CACNA1I: variants seen among roughly 807,000 people sequenced by gnomAD.
CACNA1I encodes voltage-dependent T-type calcium channel subunit alpha-1I.
Under a neutral mutation model 201.6 loss-of-function variants are expected in CACNA1I, and 74 were observed. The ratio of observed to expected loss-of-function variants is 0.37; its 90% CI spans 0.30 to 0.45. The LOEUF (loss-of-function observed/expected upper bound fraction) is 0.45. Among genes scored for constraint, CACNA1I ranks in the 20% least tolerant of loss-of-function variants. The pLI is 1.00. For synonymous variants in CACNA1I, 1,431 were observed against 1,345.2 expected, an observed-to-expected ratio of 1.06 and a Z score of -1.40; for missense variants, 2,346 against 3,138.1, an observed-to-expected ratio of 0.75 and a Z score of 6.03.
chr22:39,662,145 C>T lies in CACNA1I; in HGVS notation c.3082C>T (p.Arg1028Trp). ...CEVAADEGPP[R>W]AAPLHTPHAH... ...GGTTGCCGCGGACGAGGGGCCGCCG[C>T]GGGCCGCACCCCTGCACACCCCACA... is the stretch of plus-strand genomic sequence containing the variant. The change falls in exon 17 of 37, where the codon CGG becomes TGG. Residue 1028 changes from arginine to tryptophan, a missense_variant. Around this residue, in one of 13 missense-constraint regions of CACNA1I, gnomAD observed 288 missense variants for 255.2 expected, o/e 1.13. Coordinates refer to ENST00000402142, the MANE Select transcript of CACNA1I (RefSeq NM_021096.4). 1 of 1,525,686 alleles carries T rather than the reference C, an allele frequency of 6.6e-7. No homozygotes were observed. Among genetic ancestry groups the T allele is most frequent in the Non-Finnish European group, 8.8e-7 (1 of 1,140,330 alleles). The allele number at this position is 1,525,686 out of a possible 1,614,324, so 94.5% of individuals were successfully genotyped here. A position where few individuals can be genotyped will look rare whatever the true frequency, so the allele number is the denominator to read the frequency against.
At chr22:39,638,806 G>T (rs1476258435) in intron 5 of CACNA1I, among the ~76,000 whole-genome samples, 1 of 152,204 alleles carries the variant, frequency 6.6e-6, no homozygotes, top group African/African-American at 2.4e-5. Context: ...CCAGAGCAAG[G>T]GGATGGTTTT....
At chr22:39,588,075 T>C (rs1025488920) in intron 1 of CACNA1I, among the ~76,000 whole-genome samples, 5 of 151,406 alleles carry the variant, frequency 3.3e-5, no homozygotes, top group African/African-American at 7.3e-5. Flanking sequence ...TGCTGGCTGA[T>C]TGTGGATTTT....
chr22:39,615,901 A>T (rs5757749), intron 3 of CACNA1I, among the ~76,000 whole-genome samples: 2 of 152,122 alleles, frequency 1.3e-5, no homozygotes, highest in African/African-American at 2.4e-5. Flanking sequence ...GCTGCTAAGA[A>T]CTCAGTAATA....
Position 39,641,068 on chromosome 22 carries a change from C to T in CACNA1I, c.942C>T (p.Gly314=), listed in dbSNP as rs767588875. Residue 314 remains glycine (G), a synonymous_variant, in exon 6 of 37, where the codon GGC becomes GGT. Transcript: ENST00000402142. ...GGCGCCAGGACCTCAATGCCAGCGGCCTCTGTGTCAACTGGAACCGTTACT... is the reference window on the plus strand; with the variant it reads ...GGCGCCAGGACCTCAATGCCAGCGGTCTCTGTGTCAACTGGAACCGTTACT... ...GAGRQDLNAS[G]LCVNWNRYYN... 4 of 1,613,930 alleles carry T rather than the reference C, an allele frequency of 2.5e-6. No homozygotes were observed. Among genetic ancestry groups the T allele is most frequent in the African/African-American group, 2.7e-5 (2 of 74,946 alleles).
intron 3 of CACNA1I, among the ~76,000 whole-genome samples, chr22:39,604,426 G>A (rs573932004): frequency 1.5e-3 from 222 of 152,200 alleles, no homozygotes; most frequent in African/African-American, 5.2e-3. Flanking sequence ...GGGCTGACAT[G>A]CGATGTGTGC....
At position 39,682,417 on chromosome 22, in the gene CACNA1I, G is replaced by T. The variant is rs6001648; in HGVS notation, c.5665-79G>T. ...GGGTAGCCTAGTTAAGCAAGGGGCCGTGGAGCAGGTCATGAGGTACCCTTC... is the reference window on the plus strand; with the variant it reads ...GGGTAGCCTAGTTAAGCAAGGGGCCTTGGAGCAGGTCATGAGGTACCCTTC... On this transcript the variant is annotated intron_variant, in intron 34 of 36. Coordinates refer to ENST00000402142, the MANE Select transcript of CACNA1I (RefSeq NM_021096.4). 8.5e-5 allele frequency: 105 copies of T among 1,232,786 alleles called. No homozygotes were observed. The East Asian group carries it at 2.5e-3, about 29-fold the overall frequency. The allele number at this position is 1,232,786 out of a possible 1,614,324, so 76.4% of individuals were successfully genotyped here. A position where few individuals can be genotyped will look rare whatever the true frequency, so the allele number is the denominator to read the frequency against.
rs1232960039 is a variant in CACNA1I, at chr22:39,685,644, G to A, written c.6028-117G>A. 29 of 888,988 alleles carry A rather than the reference G, an allele frequency of 3.3e-5. No homozygotes were observed. Among genetic ancestry groups the A allele is most frequent in the Non-Finnish European group, 4.1e-5 (26 of 637,878 alleles). The allele number at this position is 888,988 out of a possible 1,614,324, so 55.1% of individuals were successfully genotyped here. A position where few individuals can be genotyped will look rare whatever the true frequency, so the allele number is the denominator to read the frequency against. On this transcript the variant is annotated intron_variant, in intron 36 of 36. Transcript: ENST00000402142. The surrounding 1 kb of genome is among the most constrained non-coding windows in gnomAD (Gnocchi z 5.0). ...GTGCGGAGGGGAGAAGCCCTGCTCC[G>A]AAGGGAGCTCCTTGGATGGGGTCTG... is the stretch of plus-strand genomic sequence containing the variant.
Position 39,685,753 on chromosome 22 carries a change from C to T in CACNA1I, c.6028-8C>T, listed in dbSNP as rs1330750682. 1.5e-5 allele frequency: 22 copies of T among 1,464,792 alleles called. No homozygotes were observed. The highest frequency in any genetic ancestry group is 2.0e-5 in the Non-Finnish European group (22 of 1,116,440). 90.7% of individuals were successfully genotyped at this position (1,464,792 alleles called of 1,614,324 possible). ...CAGGCGGCCTCCACGGCTCCCACCTCCCCCCAGGCCACCGGGAGCGACACG... is the reference window on the plus strand; with the variant it reads ...CAGGCGGCCTCCACGGCTCCCACCTTCCCCCAGGCCACCGGGAGCGACACG... On this transcript the variant is annotated splice_region_variant and splice_polypyrimidine_tract_variant and intron_variant, in intron 36 of 36. Transcript: ENST00000402142. This position sits in a 1 kb window ranked among gnomAD's most constrained non-coding sequence, Gnocchi z 5.0.
At chr22:39,608,492 T>C (rs1933287722) in intron 3 of CACNA1I, among the ~76,000 whole-genome samples, 1 of 152,052 alleles carries the variant, frequency 6.6e-6, no homozygotes, top group Non-Finnish European at 1.5e-5. Context: ...AATAAAGTAA[T>C]ATTAGTAACT....
chr22:39,665,966 G>A lies in CACNA1I; in HGVS notation c.4064G>A (p.Arg1355His), dbSNP rs762817136. 3.7e-6 allele frequency: 6 copies of A among 1,613,766 alleles called. No individual in the cohort carries two copies. The highest frequency in any genetic ancestry group is 2.5e-6 in the Non-Finnish European group (3 of 1,179,872). The change falls in exon 23 of 37, where the codon CGC becomes CAC. Residue 1355 changes from arginine (R) to histidine (H), a missense_variant. Physicochemically the swap from Arg to His is conservative, Grantham distance 29 (BLOSUM62 0). Transcript: ENST00000402142. This position sits in a 1 kb window ranked among gnomAD's most constrained non-coding sequence, Gnocchi z 5.5. ...TCGGACTGCATGGCCGCCAACTACC[G>A]CTGGGTCCATCACAAATACAACTTC... is the stretch of plus-strand genomic sequence containing the variant. Reference protein sequence around the residue: ...NRSDCMAANYRWVHHKYNFDN... With the variant: ...NRSDCMAANYHWVHHKYNFDN...
chr22:39,628,255 A>G (rs1387564287), intron 4 of CACNA1I, among the ~76,000 whole-genome samples: 1 of 152,140 alleles, frequency 6.6e-6, no homozygotes, highest in African/African-American at 2.4e-5. Flanking sequence ...CCCTGGCCAG[A>G]TGTGGGGCCA....
chr22:39,660,537 T>C, intron 15 of CACNA1I, 100 bp downstream of exon 15: 1 of 691,686 alleles, frequency 1.4e-6, no homozygotes, highest in East Asian at 2.9e-5. Context: ...AAGCCCAGGC[T>C]CAGGGACTGC....
chr22:39,625,340 C>T (rs1469348143), intron 4 of CACNA1I, among the ~76,000 whole-genome samples: 1 of 152,126 alleles, frequency 6.6e-6, no homozygotes, highest in Non-Finnish European at 1.5e-5. Context: ...TGGTTGCCTG[C>T]GGTTTAAAAA....
Position 39,648,653 on chromosome 22 carries a change from G to A in CACNA1I, c.1567+727G>A, listed in dbSNP as rs900778726. Among the ~76,000 whole-genome samples, 1 of 152,166 alleles carries A rather than the reference G, an allele frequency of 6.6e-6. No individual in the cohort carries two copies. Among genetic ancestry groups the A allele is most frequent in the Non-Finnish European group, 1.5e-5 (1 of 68,006 alleles). ...AGGCAAGTGTGGAAATGAAGGGTAGGCGTGACATGCTTTTCTTTCCCTTTC... is the reference window on the plus strand; with the variant it reads ...AGGCAAGTGTGGAAATGAAGGGTAGACGTGACATGCTTTTCTTTCCCTTTC... On this transcript the variant is annotated intron_variant, in intron 9 of 36. Transcript: ENST00000402142. This position sits in a 1 kb window ranked among gnomAD's most constrained non-coding sequence, Gnocchi z 5.4.
rs1266991781 is a variant in CACNA1I at position 39,649,641 on chromosome 22, A to G, written c.1708A>G (p.Thr570Ala). 6.6e-7 allele frequency: 1 copy of G among 1,521,362 alleles called. No individual in the cohort carries two copies. Among genetic ancestry groups the G allele is most frequent in the South Asian group, 1.3e-5 (1 of 79,330 alleles). 94.2% of individuals were successfully genotyped at this position (1,521,362 alleles called of 1,614,324 possible). ...DGRRPSGLGS[T>A]DSGQEGSGSG... ...CCGGCGGCCCTCGGGCCTGGGCAGC[A>G]CCGACTCGGGCCAGGAGGGCTCGGG... The change falls in exon 10 of 37, where the codon ACC becomes GCC. Residue 570 changes from threonine (T) to alanine (A), a missense_variant. Physicochemically the swap from Thr to Ala is moderately conservative, Grantham distance 58. Coordinates refer to ENST00000402142, the MANE Select transcript of CACNA1I (RefSeq NM_021096.4). This position sits in a 1 kb window ranked among gnomAD's most constrained non-coding sequence, Gnocchi z 7.3.
At chr22:39,593,067 C>A (rs1049437070) in intron 1 of CACNA1I, among the ~76,000 whole-genome samples, 2 of 152,224 alleles carry the variant, frequency 1.3e-5, no homozygotes, top group Non-Finnish European at 2.9e-5. Context: ...AGGGCTGAGA[C>A]CATCCATTGC....
intron 5 of CACNA1I, among the ~76,000 whole-genome samples, chr22:39,635,359 CT>C (rs775928522): frequency 1.3e-5 from 2 of 152,198 alleles, no homozygotes; most frequent in Non-Finnish European, 2.9e-5. Context: ...TCCCTGCCCC[CT>C]GCCCTTGAGA....
chr22:39,585,633 C>G (rs942178906), intron 1 of CACNA1I, among the ~76,000 whole-genome samples: 2 of 149,474 alleles, frequency 1.3e-5, no homozygotes, highest in Admixed American at 6.7e-5. Context: ...AGTGATCTGC[C>G]CACCTCGGCC....
chr22:39,609,433 T>TGGC (rs1198401873), intron 3 of CACNA1I, among the ~76,000 whole-genome samples: 3 of 152,252 alleles, frequency 2.0e-5, no homozygotes, highest in Non-Finnish European at 4.4e-5. Context: ...CACAAAGTTC[T>TGGC]GGTTACTGGT....
Sources: gnomAD v4.1 joint callset for allele counts (sites outside exome capture counted in the v4.1 genomes callset) on GRCh38, gnomAD v4.1.1 for gene constraint, gnomAD v4.1.1 regional missense constraint, Gnocchi (gnomAD v3.1) non-coding constraint, MANE v1.5 for transcripts, NCBI Gene and HGNC (gene_info 2026-07-23, HGNC 2026-07-21) for gene names.